The following SMYD3 variants were observed in gnomAD, a reference collection of about 807,000 sequenced individuals.
SMYD3 encodes histone-lysine N-methyltransferase SMYD3.
Under a neutral mutation model 57.7 loss-of-function variants are expected in SMYD3, and 36 were observed. The ratio of observed to expected loss-of-function variants is 0.62; its 90% confidence interval spans 0.48 to 0.82. The LOEUF (loss-of-function observed/expected upper bound fraction) is 0.82, where lower values mean the gene tolerates loss of function less well. SMYD3 is among the 40% of genes least tolerant of loss of function. SMYD3 has a pLI of 0.00. For missense variants in SMYD3, 515 were observed against 538.8 expected (o/e 0.96, Z 0.44); for synonymous variants, 211 against 195.0 (o/e 1.08, Z -0.68).
At chr1:246,169,381 CAAAAA>C (rs55719556) in intron 5 of SMYD3, among the ~76,000 whole-genome samples, 3 of 61,888 alleles carry the variant, frequency 4.8e-5, no homozygotes, top group South Asian at 1.5e-3. Context: ...GACTTTCTTT[CAAAAA>C]AAAAAAAAAA....
chr1:245,954,704 T>C (rs944015852), intron 5 of SMYD3, among the ~76,000 whole-genome samples: 4 of 152,102 alleles, frequency 2.6e-5, no homozygotes, highest in Non-Finnish European at 5.9e-5. Flanking sequence ...AAAACAGTGG[T>C]AGTTTATTCC....
chr1:246,123,898 C>T (rs2061465217), intron 5 of SMYD3, among the ~76,000 whole-genome samples: 1 of 152,172 alleles, frequency 6.6e-6, no homozygotes, highest in African/African-American at 2.4e-5. Flanking sequence ...ACTAGTCCTG[C>T]ATCTGCTGCC....
intron 10 of SMYD3, among the ~76,000 whole-genome samples, chr1:245,824,868 A>AC (rs1331076519): frequency 1.3e-5 from 2 of 149,774 alleles, no homozygotes; most frequent in Non-Finnish European, 3.0e-5. Context: ...AAAAAAAAAA[A>AC]ACAAAAAAAA....
chr1:246,357,388 C>T (rs1238942239), intron 1 of SMYD3, among the ~76,000 whole-genome samples: 1 of 152,140 alleles, frequency 6.6e-6, no homozygotes, highest in Non-Finnish European at 1.5e-5. Context: ...AATGCCATGG[C>T]AACGTCAGGA....
At chr1:245,866,300 G>A (rs991491958) in intron 8 of SMYD3, among the ~76,000 whole-genome samples, 2 of 150,508 alleles carry the variant, frequency 1.3e-5, no homozygotes, top group Non-Finnish European at 2.9e-5. Context: ...GGGCCTCTAT[G>A]TGTATGTGCT....
intron 5 of SMYD3, among the ~76,000 whole-genome samples, chr1:246,019,485 C>T (rs74781276): frequency 0.059 from 8,973 of 152,274 alleles, 290 homozygotes; most frequent in African/African-American, 0.068. Flanking sequence ...GTTACAAATA[C>T]TGGTCATAGA....
intron 2 of SMYD3, among the ~76,000 whole-genome samples, 166 bp from the exon 3 acceptor site, chr1:246,335,640 G>C (rs552550769): frequency 6.6e-6 from 1 of 152,298 alleles, no homozygotes; most frequent in East Asian, 1.9e-4. Context: ...TCCAGGATGA[G>C]TCTTTGCCAA....
At chr1:246,482,108 T>C (rs545806646) in intron 1 of SMYD3, among the ~76,000 whole-genome samples, 19 of 151,986 alleles carry the variant, frequency 1.3e-4, no homozygotes, top group African/African-American at 4.3e-4. Context: ...CAGTGAGCCA[T>C]GATCATGCCA....
At chr1:246,020,836 T>C (rs10157030) in intron 5 of SMYD3, among the ~76,000 whole-genome samples, 57,677 of 151,932 alleles carry the variant, frequency 0.38, 13,063 homozygotes, top group African/African-American at 0.63. Flanking sequence ...ACCACTTTTC[T>C]GGCTCTCTGA....
At chr1:246,368,504 A>G (rs920203682) in intron 1 of SMYD3, among the ~76,000 whole-genome samples, 11 of 152,214 alleles carry the variant, frequency 7.2e-5, no homozygotes, top group African/African-American at 2.2e-4. Context: ...ACACATTCCT[A>G]TATAATCAAC....
At chr1:246,478,399 T>C (rs898551240) in intron 1 of SMYD3, among the ~76,000 whole-genome samples, 1 of 151,306 alleles carries the variant, frequency 6.6e-6, no homozygotes, top group Non-Finnish European at 1.5e-5. Context: ...TGCTCATATA[T>C]GCACACCTGT....
chr1:245,751,593 AAAGAGAGAGAGAG>A (rs1189137588), intron 11 of SMYD3, among the ~76,000 whole-genome samples: 26 of 69,952 alleles, frequency 3.7e-4, no homozygotes, highest in African/African-American at 1.4e-3. Flanking sequence ...AGAGAGAGAG[AAAGAGAGAGAGAG>A]AAAGAGAGAG....
intron 5 of SMYD3, among the ~76,000 whole-genome samples, chr1:246,071,342 G>GA (rs2060438998): frequency 6.6e-6 from 1 of 152,188 alleles, no homozygotes; most frequent in South Asian, 2.1e-4. Context: ...GACGGTGGGA[G>GA]AAAACAGGGA....
chr1:245,891,059 A>G (rs987725688), intron 8 of SMYD3, among the ~76,000 whole-genome samples: 5 of 152,238 alleles, frequency 3.3e-5, no homozygotes, highest in Non-Finnish European at 5.9e-5. Flanking sequence ...AATGATGGTT[A>G]CCAGAGCCTG....
chr1:246,357,572 T>C (rs2065927538), intron 1 of SMYD3, among the ~76,000 whole-genome samples: 1 of 152,188 alleles, frequency 6.6e-6, no homozygotes, highest in Admixed American at 6.5e-5. Flanking sequence ...CTTTACTCTA[T>C]GGACTCACCC....
intron 3 of SMYD3, among the ~76,000 whole-genome samples, chr1:246,331,599 T>C (rs1317797103): frequency 6.6e-6 from 1 of 152,218 alleles, no homozygotes; most frequent in African/African-American, 2.4e-5. Context: ...AGACACTCCC[T>C]GGAATAATCT....
At chr1:245,750,808 A>G (rs2045315440) in intron 11 of SMYD3, among the ~76,000 whole-genome samples, 2 of 152,152 alleles carry the variant, frequency 1.3e-5, no homozygotes, top group Admixed American at 1.3e-4. Context: ...GGAGACTTGT[A>G]AAGATATGAC....
chr1:246,408,791 T>A (rs577919676), intron 1 of SMYD3, among the ~76,000 whole-genome samples: 1 of 148,334 alleles, frequency 6.7e-6, no homozygotes, highest in Non-Finnish European at 1.5e-5. Flanking sequence ...TGTCTCAGCC[T>A]CCTGAGTAGC....
At chr1:246,360,994 T>C (rs1374283597) in intron 1 of SMYD3, among the ~76,000 whole-genome samples, 2 of 152,150 alleles carry the variant, frequency 1.3e-5, no homozygotes, top group Non-Finnish European at 2.9e-5. Flanking sequence ...AAAGAAATAA[T>C]CAGCAGAGTT....
Sources: gnomAD v4.1 joint callset for allele counts (sites outside exome capture counted in the v4.1 genomes callset) on GRCh38, gnomAD v4.1.1 for gene constraint, MANE v1.5 for transcripts, NCBI Gene and HGNC (gene_info 2026-07-23, HGNC 2026-07-21) for gene names.